Variants in ARHGEF1 observed in about 807,000 individuals in gnomAD.
The protein encoded by ARHGEF1 is 115 kDa guanine nucleotide exchange factor.
In ARHGEF1, 40 loss-of-function variants were observed where a neutral mutation model predicts 119.7. The observed-to-expected ratio is 0.33, with a 90% CI of 0.26 to 0.44. The LOEUF is 0.44. ARHGEF1 is among the 20% of genes least tolerant of loss of function. ARHGEF1 has a pLI of 1.00. For synonymous variants in ARHGEF1, 494 were observed against 521.0 expected, an observed-to-expected ratio of 0.95 and a Z score of 0.71; for missense variants, 976 against 1,268.3, an observed-to-expected ratio of 0.77 and a Z score of 3.50.
At position 41,892,593 on chromosome 19, in the gene ARHGEF1, G is replaced by A. The variant is rs781807130; in HGVS notation, c.368-10G>A. On this transcript the variant is annotated splice_polypyrimidine_tract_variant and intron_variant, in intron 6 of 28. Transcript: ENST00000354532. This position sits in a 1 kb window ranked among gnomAD's most constrained non-coding sequence, Gnocchi z 6.3. ...GAGCTGGACCCTAGCCCCCATGTGT[G>A]TCCCTGCAGACCGCACTAGGGCTGA... is the stretch of plus-strand genomic sequence containing the variant. 1.3e-6 allele frequency: 2 copies of A among 1,574,732 alleles called. No homozygotes were observed. The highest frequency in any genetic ancestry group is 1.3e-5 in the African/African-American group (1 of 74,518).
chr19:41,920,044 C>T (rs1433737124), upstream of ARHGEF1, among the ~76,000 whole-genome samples: 2 of 132,904 alleles, frequency 1.5e-5, no homozygotes, highest in East Asian at 2.2e-4. Context: ...ATGATACGCT[C>T]ACAGACATGA....
intron 12 of ARHGEF1, among the ~76,000 whole-genome samples, 158 bp downstream of exon 12, chr19:41,895,644 T>G (rs1457641303): frequency 2.0e-5 from 3 of 152,236 alleles, no homozygotes; most frequent in Admixed American, 2.0e-4. Context: ...CCACTGTCAT[T>G]CATAACTTTC....
upstream of ARHGEF1, among the ~76,000 whole-genome samples, chr19:41,920,648 C>T (rs1231470165): frequency 1.3e-5 from 2 of 152,234 alleles, no homozygotes; most frequent in African/African-American, 2.4e-5. Context: ...CCCAGGAGCA[C>T]GCATGTCTAC....
At chr19:41,884,434 C>A (rs376445961) in intron 1 of ARHGEF1, 8 of 1,602,974 alleles carry the variant, frequency 5.0e-6, no homozygotes, top group African/African-American at 1.3e-5. Context: ...GAGTGCGGAG[C>A]CCGAGCGCGG....
chr19:41,892,372 T>C lies in ARHGEF1; in HGVS notation c.366T>C (p.Leu122=), dbSNP rs967746487. The C allele has an allele frequency of 3.7e-6, 6 of 1,613,946 alleles. No individual in the cohort carries two copies. Among genetic ancestry groups the C allele is most frequent in the Non-Finnish European group, 3.4e-6 (4 of 1,179,988 alleles). Reference sequence around the variant, plus strand: ...TCCCTCCCAACGTCGCCTTTGAACTTGGTAAGGAGAAGGATGGGATGAGGG... The same window carrying C: ...TCCCTCCCAACGTCGCCTTTGAACTCGGTAAGGAGAAGGATGGGATGAGGG... ...VPVPPNVAFE[L]DRTRADLISE... The change falls in exon 6 of 29, where the codon CTT becomes CTC. Residue 122 remains leucine, a splice_region_variant and synonymous_variant. Coordinates refer to ENST00000354532, the MANE Select transcript of ARHGEF1 (RefSeq NM_004706.4). This position sits in a 1 kb window ranked among gnomAD's most constrained non-coding sequence, Gnocchi z 6.3.
rs2074345625 is a variant in ARHGEF1, at chr19:41,889,649, A to C, written c.225+784A>C. 1 of 152,260 alleles carries C rather than the reference A, an allele frequency of 6.6e-6. No individual in the cohort carries two copies. The allele number at this position is 152,260 out of a possible 1,614,324, so 9.4% of individuals were successfully genotyped here. On this transcript the variant is annotated intron_variant, in intron 4 of 28. Transcript: ENST00000354532. This position sits in a 1 kb window ranked among gnomAD's most constrained non-coding sequence, Gnocchi z 4.0. ...TGCACCATGTGGACATGCATAGTGGACCCCTCCAGAAAACAAGGAAACCGA... is the reference window on the plus strand; with the variant it reads ...TGCACCATGTGGACATGCATAGTGGCCCCCTCCAGAAAACAAGGAAACCGA...
chr19:41,901,281 C>G (rs1278120727), intron 14 of ARHGEF1, among the ~76,000 whole-genome samples: 2 of 151,920 alleles, frequency 1.3e-5, no homozygotes, highest in Non-Finnish European at 2.9e-5. Context: ...TCCCGAGTAG[C>G]TGGGACTACA....
Position 41,906,338 on chromosome 19 carries a change from G to T in ARHGEF1, c.2492-119G>T. 8 of 1,064,686 alleles carry T rather than the reference G, an allele frequency of 7.5e-6. No individual in the cohort carries two copies. The highest frequency in any genetic ancestry group is 1.1e-5 in the Non-Finnish European group (8 of 745,924). The allele number at this position is 1,064,686 out of a possible 1,614,324, so 66.0% of individuals were successfully genotyped here. ...TGGATCCCCGAACCCCATCTGCTCAGCCTTGCCTGGCACCCACCTTCACCT... is the reference window on the plus strand; with the variant it reads ...TGGATCCCCGAACCCCATCTGCTCATCCTTGCCTGGCACCCACCTTCACCT... On this transcript the variant is annotated intron_variant, in intron 26 of 28. Transcript: ENST00000354532. The surrounding 1 kb of genome is among the most constrained non-coding windows in gnomAD (Gnocchi z 4.5).
chr19:41,894,402 T>C, intron 9 of ARHGEF1, 49 bp from the exon 10 acceptor site: 1 of 1,526,112 alleles, frequency 6.6e-7, no homozygotes, highest in Non-Finnish European at 8.8e-7. Context: ...TCTGCTTTGT[T>C]GTTGTCTCAG....
intron 1 of ARHGEF1, chr19:41,884,600 G>GT: frequency 7.0e-7 from 1 of 1,425,428 alleles, no homozygotes; most frequent in Non-Finnish European, 9.5e-7. Context: ...TAGGGCCCGC[G>GT]TAAGACCCGC....
chr19:41,888,497 C>G lies in ARHGEF1; in HGVS notation c.111+219C>G, dbSNP rs916709864. ...CCATTTCTTATCGTTGCTCTCTCCT[C>G]CCCCAGCATGGACCCCAATTTCTTC... is the stretch of plus-strand genomic sequence containing the variant. On this transcript the variant is annotated intron_variant, in intron 3 of 28. Coordinates refer to ENST00000354532, the MANE Select transcript of ARHGEF1 (RefSeq NM_004706.4). The surrounding 1 kb of genome is among the most constrained non-coding windows in gnomAD (Gnocchi z 5.1). Among the ~76,000 whole-genome samples the G allele has an allele frequency of 6.6e-6, 1 of 152,120 alleles. No homozygotes were observed. Among genetic ancestry groups the G allele is most frequent in the Non-Finnish European group, 1.5e-5 (1 of 68,014 alleles).
At position 41,906,635 on chromosome 19, in the gene ARHGEF1, G is replaced by T. The variant is rs1429037851; in HGVS notation, c.2655+15G>T. On this transcript the variant is annotated intron_variant, in intron 27 of 28. Coordinates refer to ENST00000354532, the MANE Select transcript of ARHGEF1 (RefSeq NM_004706.4). This position sits in a 1 kb window ranked among gnomAD's most constrained non-coding sequence, Gnocchi z 4.5. ...AGCAGCTGGAGGTGGGGCGGGACGG[G>T]CCAGGGGTGCCCTGAGTGGGCTGGG... 2 of 1,601,698 alleles carry T rather than the reference G, an allele frequency of 1.2e-6. No individual in the cohort carries two copies. Among genetic ancestry groups the T allele is most frequent in the Non-Finnish European group, 1.7e-6 (2 of 1,176,028 alleles).
Position 41,893,257 on chromosome 19 carries a change from C to T in ARHGEF1, c.615-17C>T, listed in dbSNP as rs1555846693. On this transcript the variant is annotated splice_polypyrimidine_tract_variant and intron_variant, in intron 7 of 28. Transcript: ENST00000354532. Reference sequence around the variant, plus strand: ...GGCCTAGCAAATATGTCACAAACATCTCTCTTCCTCCTACAGACATACCAT... The same window carrying T: ...GGCCTAGCAAATATGTCACAAACATTTCTCTTCCTCCTACAGACATACCAT... 6.2e-7 allele frequency: 1 copy of T among 1,612,576 alleles called. No homozygotes were observed.
chr19:41,902,239 C>T lies in ARHGEF1; in HGVS notation c.1415-35C>T, dbSNP rs1555849152. 2 of 1,612,436 alleles carry T rather than the reference C, an allele frequency of 1.2e-6. No homozygotes were observed. On this transcript the variant is annotated intron_variant, in intron 15 of 28. Coordinates refer to ENST00000354532, the MANE Select transcript of ARHGEF1 (RefSeq NM_004706.4). This position sits in a 1 kb window ranked among gnomAD's most constrained non-coding sequence, Gnocchi z 6.5. ...AGGCCCCGCACAGCATCTTCCAGAC[C>T]CTGGTGGAGCATCCCTTTCCTCCTG...
In ARHGEF1 at chr19:41,905,036, A is replaced by T. The variant is rs1555849828; in HGVS notation, c.2249A>T (p.Asn750Ile). 1.2e-6 allele frequency: 2 copies of T among 1,614,054 alleles called. No individual in the cohort carries two copies. The highest frequency in any genetic ancestry group is 1.7e-6 in the Non-Finnish European group (2 of 1,179,942). ...LVAQTVSERKNWCALITETAG... is the reference protein window; with the variant it reads ...LVAQTVSERKIWCALITETAG... The stretch of plus-strand genomic sequence containing the variant: ...GCACAGACTGTGTCGGAGCGGAAAA[A>T]GTGAGGGGGGGTCTGAGTTCTGAGT... The change falls in exon 23 of 29, where the codon AAC (asparagine) becomes ATC (isoleucine). Residue 750 changes from asparagine (N) to isoleucine (I), a missense_variant and splice_region_variant. Asn to Ile is a moderately radical substitution (Grantham distance 149). Transcript: ENST00000354532. The surrounding 1 kb of genome is among the most constrained non-coding windows in gnomAD (Gnocchi z 6.4).
At chr19:41,887,912 C>G (rs1234369753) in intron 1 of ARHGEF1, 152 bp from the exon 2 acceptor site, 1 of 911,996 alleles carries the variant, frequency 1.1e-6, no homozygotes. Context: ...CTGAAGGGCT[C>G]TTTGTGGCCA....
intron 13 of ARHGEF1, chr19:41,897,459 TGAA>T (rs1555848094): frequency 3.8e-6 from 2 of 528,774 alleles, no homozygotes; most frequent in East Asian, 2.1e-4. Flanking sequence ...CCCTCCCAGT[TGAA>T]GAGCTAAGTA....
Position 41,902,426 on chromosome 19 carries a change from C to T in ARHGEF1, c.1497+70C>T. 1 of 1,611,220 alleles carries T rather than the reference C, an allele frequency of 6.2e-7. No homozygotes were observed. Among genetic ancestry groups the T allele is most frequent in the South Asian group, 1.1e-5 (1 of 90,782 alleles). On this transcript the variant is annotated intron_variant, in intron 16 of 28. Transcript: ENST00000354532. The surrounding 1 kb of genome is among the most constrained non-coding windows in gnomAD (Gnocchi z 6.5). ...ATTCAGGCCCGGGACGGGTCCTGAG[C>T]CCACCCTACTCCAGTCCCAGGGTCT...
intron 1 of ARHGEF1, chr19:41,928,813 G>T: frequency 2.3e-6 from 1 of 430,946 alleles, no homozygotes; most frequent in Non-Finnish European, 4.8e-6. Context: ...CTTCTCCTCC[G>T]CCCCGCTCCT....
Sources: gnomAD v4.1 joint callset for allele counts (sites outside exome capture counted in the v4.1 genomes callset) on GRCh38, gnomAD v4.1.1 for gene constraint, Gnocchi (gnomAD v3.1) non-coding constraint, MANE v1.5 for transcripts, NCBI Gene and HGNC (gene_info 2026-07-23, HGNC 2026-07-21) for gene names.